The following DLC1 variants were observed in gnomAD, a reference collection of about 807,000 sequenced individuals.
DLC1 encodes rho GTPase-activating protein 7.
In DLC1, 54 loss-of-function variants were observed where a neutral mutation model predicts 140.3. The ratio of observed to expected loss-of-function variants is 0.38; its 90% CI spans 0.31 to 0.48. DLC1 has a LOEUF of 0.48. DLC1 is among the 20% of genes least tolerant of loss of function. The pLI is 0.96. For missense variants in DLC1, 2,536 were observed against 1,907.0 expected (o/e 1.33, Z -6.14); for synonymous variants, 986 against 728.1 (o/e 1.35, Z -5.70).
At chr8:13,130,527 A>C (rs1011733779) in intron 5 of DLC1, among the ~76,000 whole-genome samples, 21 of 152,246 alleles carry the variant, frequency 1.4e-4, no homozygotes, top group Admixed American at 9.2e-4. Context: ...CAAGGGCTTT[A>C]GGTTGAAGGG....
At chr8:13,123,335 G>A (rs183385530) in intron 5 of DLC1, among the ~76,000 whole-genome samples, 94 of 124,214 alleles carry the variant, frequency 7.6e-4, no homozygotes, top group African/African-American at 2.4e-3. Flanking sequence ...TGCACCCCCC[G>A]CCCCCGCACC....
intron 1 of DLC1, among the ~76,000 whole-genome samples, chr8:13,576,490 T>C (rs1219190153): frequency 6.6e-6 from 1 of 152,156 alleles, no homozygotes; most frequent in Non-Finnish European, 1.5e-5. Flanking sequence ...AATGTAAACA[T>C]AGAAATATGT....
intron 5 of DLC1, among the ~76,000 whole-genome samples, chr8:13,252,512 G>A (rs1192205192): frequency 3.3e-5 from 5 of 152,100 alleles, no homozygotes; most frequent in Non-Finnish European, 7.4e-5. Context: ...ACGGTCATAT[G>A]GTTTAGAATA....
intron 2 of DLC1, among the ~76,000 whole-genome samples, chr8:13,492,839 T>C (rs1801323635): frequency 6.6e-6 from 1 of 152,248 alleles, no homozygotes; most frequent in African/African-American, 2.4e-5. Flanking sequence ...TGAGACGATA[T>C]ATTTGAGCCC....
At chr8:13,390,509 G>C (rs962216700) in intron 4 of DLC1, among the ~76,000 whole-genome samples, 1 of 152,076 alleles carries the variant, frequency 6.6e-6, no homozygotes, top group Non-Finnish European at 1.5e-5. Flanking sequence ...GGATTGCTGG[G>C]TCAAATCATA....
intron 5 of DLC1, among the ~76,000 whole-genome samples, chr8:13,216,065 C>T (rs993674890): frequency 5.3e-5 from 8 of 152,194 alleles, no homozygotes; most frequent in Admixed American, 5.2e-4. Context: ...AGTGAACCTT[C>T]CGAAGAGTCA....
chr8:13,462,694 C>T lies in DLC1; in HGVS notation c.1023+36355G>A, dbSNP rs147367087. ...GTGCTGGGATTACAGGCGTGAGCCA[C>T]CGCGCCCGGCCTACTATTCTTATTC... On this transcript the variant is annotated intron_variant, in intron 2 of 17. Transcript: ENST00000276297. Among the ~76,000 whole-genome samples, 261 of 152,302 alleles carry T rather than the reference C, an allele frequency of 1.7e-3. 5 individuals carry two copies. The East Asian group carries it at 0.038, about 22-fold the overall frequency.
intron 2 of DLC1, among the ~76,000 whole-genome samples, chr8:13,433,598 A>G (rs976052578): frequency 6.6e-5 from 10 of 152,214 alleles, no homozygotes; most frequent in African/African-American, 1.2e-4. Context: ...ACTGATTTTT[A>G]AAAGAAATTT....
chr8:13,543,544 C>T (rs767818404), intron 1 of DLC1, among the ~76,000 whole-genome samples: 1 of 151,980 alleles, frequency 6.6e-6, no homozygotes, highest in African/African-American at 2.4e-5. Flanking sequence ...AGATATGGAA[C>T]CAACCTAAGT....
At chr8:13,541,735 G>A (rs1054189483) in intron 1 of DLC1, among the ~76,000 whole-genome samples, 1 of 152,118 alleles carries the variant, frequency 6.6e-6, no homozygotes, top group Non-Finnish European at 1.5e-5. Context: ...ATTTTTAGTA[G>A]AGATGGGGTT....
At chr8:13,601,386 A>G (rs183966571) in intron 1 of DLC1, among the ~76,000 whole-genome samples, 4 of 151,944 alleles carry the variant, frequency 2.6e-5, no homozygotes, top group African/African-American at 4.8e-5. Flanking sequence ...ATTTAGTCTC[A>G]TAAATAATAG....
chr8:13,468,953 T>C (rs1190807374), intron 2 of DLC1, among the ~76,000 whole-genome samples: 2 of 151,614 alleles, frequency 1.3e-5, no homozygotes, highest in Non-Finnish European at 2.9e-5. Flanking sequence ...CCCGAATAGC[T>C]GGGACTGCAG....
intron 4 of DLC1, among the ~76,000 whole-genome samples, chr8:13,375,257 G>C (rs907236818): frequency 1.3e-5 from 2 of 152,054 alleles, no homozygotes; most frequent in African/African-American, 4.8e-5. Flanking sequence ...TCGATCTCCT[G>C]ACCTCGTGAT....
chr8:13,338,624 G>C (rs1833902159), intron 4 of DLC1: 1 of 152,128 alleles, frequency 6.6e-6, no homozygotes, highest in African/African-American at 2.4e-5. Flanking sequence ...CCCTGACTCT[G>C]AGAAGTTCAG....
At chr8:13,578,115 G>A (rs73665149) in intron 1 of DLC1, among the ~76,000 whole-genome samples, 3,111 of 152,082 alleles carry the variant, frequency 0.02, 114 homozygotes, top group African/African-American at 0.072. Flanking sequence ...CCTGGGAGTT[G>A]GCTCCTTTCC....
intron 5 of DLC1, chr8:13,160,178 G>C (rs13439083): frequency 0.17 from 26,477 of 152,182 alleles, 2,491 homozygotes; most frequent in African/African-American, 0.23. Context: ...TGAGTAGGGG[G>C]GCTGGTCCAA....
intron 1 of DLC1, among the ~76,000 whole-genome samples, chr8:13,543,641 C>T (rs1350215828): frequency 6.6e-6 from 1 of 151,834 alleles, no homozygotes; most frequent in Non-Finnish European, 1.5e-5. Context: ...TATATATATA[C>T]CAGAGAATAT....
intron 1 of DLC1, among the ~76,000 whole-genome samples, chr8:13,560,871 G>C (rs1028551127): frequency 6.6e-6 from 1 of 152,004 alleles, no homozygotes; most frequent in Admixed American, 6.6e-5. Flanking sequence ...GAGAGGCCTG[G>C]AACAGATCCT....
At position 13,495,756 on chromosome 8, in the gene DLC1, G is replaced by C. The variant is rs571962268; in HGVS notation, c.1023+3293C>G. ...AACTAAGCTTTGCAAAACGATGAAT[G>C]CCTGCTAAGATTTATGGGCTTCAAG... On this transcript the variant is annotated intron_variant, in intron 2 of 17. Transcript: ENST00000276297. Among the ~76,000 whole-genome samples the C allele has an allele frequency of 3.3e-5, 5 of 152,272 alleles. 1 individual carries two copies. The South Asian group carries it at 1.0e-3, about 32-fold the overall frequency.
Sources: allele counts gnomAD v4.1 joint callset (sites outside exome capture counted in the v4.1 genomes callset), GRCh38; gene constraint gnomAD v4.1.1; transcripts MANE v1.5; gene names NCBI Gene and HGNC (gene_info 2026-07-23, HGNC 2026-07-21).